SIK3: variants seen among roughly 807,000 people sequenced by gnomAD.
The protein encoded by SIK3 is SIK family kinase 3, also known as serine/threonine-protein kinase SIK3.
SIK3 carries 28 observed loss-of-function variants against 144.2 expected under a neutral mutation model. The observed-to-expected ratio is 0.19, with a 90% CI of 0.14 to 0.27. The LOEUF (loss-of-function observed/expected upper bound fraction) is 0.27. Ranked by LOEUF, SIK3 falls within the 10% of genes least tolerant of loss-of-function variation. The pLI, the probability that SIK3 is intolerant of heterozygous loss-of-function variation, is 1.00. For missense variants in SIK3, 1,319 were observed against 1,776.0 expected (o/e 0.74, Z 4.62); for synonymous variants, 686 against 676.3 (o/e 1.01, Z -0.22).
chr11:116,897,975 AT>A (rs903232106), intron 4 of SIK3, among the ~76,000 whole-genome samples: 70 of 149,230 alleles, frequency 4.7e-4, no homozygotes, highest in East Asian at 1.8e-3. Flanking sequence ...TGGACCCAGA[AT>A]TTTTTTTTTT....
intron 4 of SIK3, among the ~76,000 whole-genome samples, chr11:116,899,889 C>G (rs757297165): frequency 4.6e-5 from 7 of 152,288 alleles, no homozygotes; most frequent in South Asian, 4.2e-4. Flanking sequence ...CCTCTCTTTT[C>G]CAGTTTTACT....
intron 6 of SIK3, among the ~76,000 whole-genome samples, chr11:116,878,466 G>A (rs1035790478): frequency 5.4e-5 from 8 of 148,154 alleles, no homozygotes; most frequent in Non-Finnish European, 1.2e-4. Flanking sequence ...TGCAACCTCC[G>A]CCTCCTGGGT....
chr11:116,931,763 C>T (rs1206837113), intron 3 of SIK3, among the ~76,000 whole-genome samples: 1 of 152,230 alleles, frequency 6.6e-6, no homozygotes, highest in Non-Finnish European at 1.5e-5. Flanking sequence ...AAACGACTTC[C>T]TGTTTATCAA....
chr11:117,045,413 A>G (rs1166678318), intron 1 of SIK3, among the ~76,000 whole-genome samples: 1 of 152,212 alleles, frequency 6.6e-6, no homozygotes, highest in African/African-American at 2.4e-5. Flanking sequence ...TAGCTCCATA[A>G]GGAACCTAAG....
At chr11:117,017,401 A>G (rs1951583351) in intron 1 of SIK3, among the ~76,000 whole-genome samples, 2 of 152,250 alleles carry the variant, frequency 1.3e-5, no homozygotes, top group African/African-American at 4.8e-5. Flanking sequence ...AGGAGTATTT[A>G]TAACAGCTCA....
intron 1 of SIK3, among the ~76,000 whole-genome samples, chr11:117,039,561 G>A (rs768120056): frequency 6.6e-6 from 1 of 152,166 alleles, no homozygotes; most frequent in Non-Finnish European, 1.5e-5. Context: ...TGAAGTTGAG[G>A]GAGTGGAAGA....
chr11:116,975,363 C>G (rs980649037), intron 1 of SIK3, among the ~76,000 whole-genome samples: 2 of 152,090 alleles, frequency 1.3e-5, no homozygotes, highest in African/African-American at 4.8e-5. Context: ...CCTCATTCCC[C>G]CACTCCTATC....
chr11:116,962,772 T>C (rs541261759), intron 1 of SIK3, among the ~76,000 whole-genome samples: 24 of 152,262 alleles, frequency 1.6e-4, no homozygotes, highest in Admixed American at 3.9e-4. Context: ...AAGATAGTAA[T>C]ATAAAAAAGA....
In SIK3 at chr11:116,843,671, CCATGTAAA is replaced by C. The variant is rs1481944788; in HGVS notation, c.*1964_*1971del. The C allele has an allele frequency of 6.6e-6, 1 of 152,108 alleles. No homozygotes were observed. Among genetic ancestry groups the C allele is most frequent in the Non-Finnish European group, 1.5e-5 (1 of 68,040 alleles). 9.4% of individuals were successfully genotyped at this position (152,108 alleles called of 1,614,324 possible). ...AGTCTGCTCTCCCATACATACAGTA[CCATGTAAA>C]CACATCAGGCTGAGCGCGTGGTGGT... On this transcript the variant is annotated 3_prime_UTR_variant, in exon 25 of 25. Transcript: ENST00000445177.
intron 1 of SIK3, among the ~76,000 whole-genome samples, chr11:117,006,716 G>C (rs1717077597): frequency 6.6e-6 from 1 of 152,110 alleles, no homozygotes; most frequent in Non-Finnish European, 1.5e-5. Flanking sequence ...CATGGGGGTA[G>C]GAGGTGTTTT....
intron 6 of SIK3, among the ~76,000 whole-genome samples, chr11:116,888,198 C>G (rs1944928978): frequency 6.6e-6 from 1 of 152,218 alleles, no homozygotes; most frequent in South Asian, 2.1e-4. Flanking sequence ...GCTGGAGTTT[C>G]TAGACCCTTC....
At chr11:116,940,840 T>C (rs1948252824) in intron 3 of SIK3, among the ~76,000 whole-genome samples, 1 of 151,610 alleles carries the variant, frequency 6.6e-6, no homozygotes, top group East Asian at 1.9e-4. Flanking sequence ...ATATCTGATA[T>C]TAAGAAAACA....
chr11:117,074,179 C>G (rs1954401395), intron 1 of SIK3, among the ~76,000 whole-genome samples: 1 of 152,222 alleles, frequency 6.6e-6, no homozygotes, highest in Admixed American at 6.5e-5. Context: ...CCATAGTGCT[C>G]TGCCAGTGCC....
intron 21 of SIK3, among the ~76,000 whole-genome samples, chr11:116,856,011 C>CA (rs1325676393): frequency 1.3e-5 from 2 of 152,066 alleles, no homozygotes; most frequent in African/African-American, 4.8e-5. Flanking sequence ...TCCTGGCTAA[C>CA]ACGGTGAAAC....
At chr11:116,954,184 C>T (rs1949055285) in intron 2 of SIK3, 77 bp from the exon 3 acceptor site, 1 of 1,131,420 alleles carries the variant, frequency 8.8e-7, no homozygotes, top group Non-Finnish European at 1.3e-6. Flanking sequence ...AATGACTCCT[C>T]TTTTCTCATT....
intron 3 of SIK3, 68 bp downstream of exon 3, chr11:116,953,976 G>T: frequency 1.6e-6 from 2 of 1,270,150 alleles, no homozygotes; most frequent in South Asian, 1.2e-5. Context: ...CAAAGGCACT[G>T]AACAGCTATT....
chr11:117,025,763 C>A (rs1951983023), intron 1 of SIK3, among the ~76,000 whole-genome samples: 1 of 152,032 alleles, frequency 6.6e-6, no homozygotes, highest in Non-Finnish European at 1.5e-5. Context: ...CTGCAGACTG[C>A]AGAGCATTAT....
At chr11:116,875,572 A>G in intron 9 of SIK3, 121 bp from the exon 10 acceptor site, 1 of 1,115,634 alleles carries the variant, frequency 9.0e-7, no homozygotes, top group Non-Finnish European at 1.3e-6. Context: ...TTTTTGGTTC[A>G]TCGGCCCTTA....
At chr11:116,918,701 T>C (rs1258101418) in intron 4 of SIK3, among the ~76,000 whole-genome samples, 1 of 152,138 alleles carries the variant, frequency 6.6e-6, no homozygotes, top group Non-Finnish European at 1.5e-5. Flanking sequence ...TTCCAAGATA[T>C]ACGAGAAACC....
Sources: gnomAD v4.1 joint callset for allele counts (sites outside exome capture counted in the v4.1 genomes callset) on GRCh38, gnomAD v4.1.1 for gene constraint, MANE v1.5 for transcripts, NCBI Gene and HGNC (gene_info 2026-07-23, HGNC 2026-07-21) for gene names.